FSTL4: variants seen among roughly 807,000 people sequenced by gnomAD.
FSTL4 encodes the protein follistatin-related protein 4.
FSTL4 carries 28 observed loss-of-function variants against 78.2 expected under a neutral mutation model. The ratio of observed to expected loss-of-function variants is 0.36; its 90% CI spans 0.27 to 0.49. FSTL4 has a LOEUF of 0.49. Among genes scored for constraint, FSTL4 ranks in the 20% least tolerant of loss-of-function variants. The pLI is 0.98. For synonymous variants in FSTL4, 422 were observed against 440.5 expected (o/e 0.96, Z 0.53); for missense variants, 922 against 1,084.9 (o/e 0.85, Z 2.11).
At chr5:133,328,185 A>T (rs1428138637) in intron 4 of FSTL4, among the ~76,000 whole-genome samples, 1 of 152,226 alleles carries the variant, frequency 6.6e-6, no homozygotes, top group South Asian at 2.1e-4. Flanking sequence ...ACTGGAGCAG[A>T]TCCAGCCGAC....
chr5:133,534,703 C>A (rs1443684545), intron 3 of FSTL4, among the ~76,000 whole-genome samples: 1 of 152,170 alleles, frequency 6.6e-6, no homozygotes, highest in Non-Finnish European at 1.5e-5. Context: ...ATACCTAATT[C>A]ATGGAGACAT....
At chr5:133,276,286 C>T (rs1396028879) in intron 6 of FSTL4, among the ~76,000 whole-genome samples, 1 of 152,202 alleles carries the variant, frequency 6.6e-6, no homozygotes, top group Non-Finnish European at 1.5e-5. Context: ...GCCTGTGATG[C>T]TGGACCCCAG....
At chr5:133,825,689 G>A in the FSTL4 span, among the ~76,000 whole-genome samples, 11 of 152,316 alleles carry the variant, frequency 7.2e-5, no homozygotes, top group African/African-American at 2.2e-4. Flanking sequence ...TTCCCCTGGC[G>A]TCCCATGCTT....
the FSTL4 span, among the ~76,000 whole-genome samples, chr5:133,623,039 T>A: frequency 6.6e-6 from 1 of 152,088 alleles, no homozygotes; most frequent in African/African-American, 2.4e-5. Context: ...ATTAAATCTG[T>A]CTCCATTTTG....
At chr5:133,310,070 C>A (rs1239561421) in intron 6 of FSTL4, among the ~76,000 whole-genome samples, 2 of 152,156 alleles carry the variant, frequency 1.3e-5, no homozygotes, top group African/African-American at 4.8e-5. Flanking sequence ...ATTACCAGAG[C>A]TATGGGAATT....
At chr5:133,458,486 G>A (rs1379614869) in intron 3 of FSTL4, among the ~76,000 whole-genome samples, 1 of 152,204 alleles carries the variant, frequency 6.6e-6, no homozygotes, top group Non-Finnish European at 1.5e-5. Flanking sequence ...TTGAAGTTAG[G>A]TCTGGCATTG....
intron 3 of FSTL4, among the ~76,000 whole-genome samples, chr5:133,459,146 G>A (rs1165110438): frequency 1.3e-5 from 2 of 152,200 alleles, no homozygotes. Context: ...TCCAGAAACT[G>A]CAGAGATTCC....
intron 6 of FSTL4, among the ~76,000 whole-genome samples, chr5:133,305,812 T>A (rs1753643222): frequency 6.6e-6 from 1 of 152,234 alleles, no homozygotes; most frequent in African/African-American, 2.4e-5. Flanking sequence ...CTGCTCTCCC[T>A]GCCCTGGTCA....
chr5:133,521,544 T>C (rs1181127961), intron 3 of FSTL4, among the ~76,000 whole-genome samples: 1 of 152,110 alleles, frequency 6.6e-6, no homozygotes, highest in Non-Finnish European at 1.5e-5. Context: ...TCTAGTTGGC[T>C]CTCAGAAATC....
chr5:133,280,166 C>T (rs1259979801), intron 6 of FSTL4, among the ~76,000 whole-genome samples: 2 of 152,198 alleles, frequency 1.3e-5, no homozygotes, highest in African/African-American at 2.4e-5. Flanking sequence ...GTCCTTATTG[C>T]ACTCAGGGAG....
At chr5:133,497,178 C>T (rs371768930) in intron 3 of FSTL4, among the ~76,000 whole-genome samples, 7 of 152,348 alleles carry the variant, frequency 4.6e-5, no homozygotes, top group Middle Eastern at 3.4e-3. Context: ...TTAGCTGAGA[C>T]CCCCACTTCC....
At chr5:133,780,686 T>A in the FSTL4 span, among the ~76,000 whole-genome samples, 1 of 152,224 alleles carries the variant, frequency 6.6e-6, no homozygotes, top group Non-Finnish European at 1.5e-5. Flanking sequence ...GCATAGCATT[T>A]ACTATCTAAA....
At chr5:133,371,493 G>A (rs907736985) in intron 4 of FSTL4, among the ~76,000 whole-genome samples, 2 of 152,218 alleles carry the variant, frequency 1.3e-5, no homozygotes, top group Non-Finnish European at 2.9e-5. Flanking sequence ...GTGGCAGGAC[G>A]GACCTGTCTA....
the FSTL4 span, among the ~76,000 whole-genome samples, chr5:133,676,523 T>C: frequency 6.6e-6 from 1 of 152,244 alleles, no homozygotes; most frequent in African/African-American, 2.4e-5. Flanking sequence ...TTCTTTTTCT[T>C]AGAATAGCCT....
chr5:133,800,932 TGGGAGGTGGGGAGGTG>T, the FSTL4 span, among the ~76,000 whole-genome samples: 1 of 142,374 alleles, frequency 7.0e-6, no homozygotes, highest in Non-Finnish European at 1.5e-5. Context: ...CAGGCACCGG[TGGGAGGTGGGGAGGTG>T]GGGAGGTGGG....
At chr5:133,467,016 G>C (rs113186441) in intron 3 of FSTL4, among the ~76,000 whole-genome samples, 2 of 151,956 alleles carry the variant, frequency 1.3e-5, no homozygotes, top group Non-Finnish European at 2.9e-5. Context: ...GAGTGTGTGA[G>C]CATGTGTGAG....
rs78810510 is a variant in FSTL4, at chr5:133,561,164, C to T, written c.160+6022G>A. Among the ~76,000 whole-genome samples the T allele has an allele frequency of 1.2e-3, 175 of 149,982 alleles. 1 individual carries two copies. The highest frequency in any genetic ancestry group is 3.9e-3 in the African/African-American group (161 of 40,824). ...AATTCTTCATGGAAAAGTCAATAGG[C>T]CACAACATCCAGAGTCTCATGAACA... On this transcript the variant is annotated intron_variant, in intron 3 of 15. Transcript: ENST00000265342.
intron 4 of FSTL4, among the ~76,000 whole-genome samples, chr5:133,341,075 C>CA (rs1561679152): frequency 1.3e-5 from 2 of 152,164 alleles, no homozygotes; most frequent in African/African-American, 4.8e-5. Context: ...CACTCTCATT[C>CA]GCATCACACA....
At chr5:133,498,862 C>T (rs1042532859) in intron 3 of FSTL4, among the ~76,000 whole-genome samples, 4 of 152,100 alleles carry the variant, frequency 2.6e-5, no homozygotes, top group African/African-American at 9.7e-5. Flanking sequence ...CCTGCTGGGG[C>T]CTGTCTTCTG....
Sources: allele counts gnomAD v4.1 joint callset (sites outside exome capture counted in the v4.1 genomes callset), GRCh38; gene constraint gnomAD v4.1.1; transcripts MANE v1.5; gene names NCBI Gene and HGNC (gene_info 2026-07-23, HGNC 2026-07-21).